ZNF462: variants seen among roughly 807,000 people sequenced by gnomAD.
ZNF462 encodes the protein zinc finger protein 462.
In ZNF462, 10 loss-of-function variants were observed where a neutral mutation model predicts 201.9. That is an observed-to-expected ratio of 0.05 (90% confidence interval 0.03 to 0.08). The LOEUF is 0.08. ZNF462 is among the 10% of genes least tolerant of loss of function. The probability of loss-of-function intolerance (pLI) is 1.00; values close to 1 mark genes in which losing one functional copy is unlikely to be tolerated. For missense variants in ZNF462, 2,523 were observed against 3,168.3 expected, an observed-to-expected ratio of 0.80 and a Z score of 4.89; for synonymous variants, 1,227 against 1,193.3, an observed-to-expected ratio of 1.03 and a Z score of -0.58.
intron 10 of ZNF462, among the ~76,000 whole-genome samples, chr9:106,998,742 G>A (rs946091882): frequency 2.6e-5 from 4 of 151,928 alleles, no homozygotes; most frequent in Non-Finnish European, 5.9e-5. Flanking sequence ...CAAGTAGCTG[G>A]GATTACAGGT....
rs751753776 is a variant in ZNF462 at position 106,930,672 on chromosome 9, G to T, written c.5995G>T (p.Val1999Leu). ...CGTCCAGTATGGCAATGTCCCAGCT[G>T]TGTCAGCTGCTGTGAAGGTGAGAAC... ...KHVQYGNVPAVSAAVKGLRSH... is the reference protein window; with the variant it reads ...KHVQYGNVPALSAAVKGLRSH... Residue 1999 changes from valine (V) to leucine (L), a missense_variant, in exon 4 of 13, where the codon GTG (valine) becomes TTG (leucine). Physicochemically the swap from Val to Leu is conservative, Grantham distance 32 (BLOSUM62 1). Around this residue, in one of 15 missense-constraint regions of ZNF462, gnomAD observed 107 missense variants for 187.7 expected, o/e 0.57. Transcript: ENST00000277225. The surrounding 1 kb of genome is among the most constrained non-coding windows in gnomAD (Gnocchi z 5.8). 2 of 1,614,052 alleles carry T rather than the reference G, an allele frequency of 1.2e-6. No homozygotes were observed. The highest frequency in any genetic ancestry group is 1.7e-6 in the Non-Finnish European group (2 of 1,180,028).
rs1826553189 is a variant in ZNF462 at position 106,970,611 on chromosome 9, A to C, written c.6428-1394A>C. Among the ~76,000 whole-genome samples, 1 of 152,158 alleles carries C rather than the reference A, an allele frequency of 6.6e-6. No individual in the cohort carries two copies. Among genetic ancestry groups the C allele is most frequent in the Non-Finnish European group, 1.5e-5 (1 of 68,018 alleles). On this transcript the variant is annotated intron_variant, in intron 7 of 12. Transcript: ENST00000277225. This position sits in a 1 kb window ranked among gnomAD's most constrained non-coding sequence, Gnocchi z 4.2. Reference sequence around the variant, plus strand: ...CCCTGCTTTTTGAAAGGCTTAAGAAAAGAGCCCTTTGTTTTCTTTTCAAGG... The same window carrying C: ...CCCTGCTTTTTGAAAGGCTTAAGAACAGAGCCCTTTGTTTTCTTTTCAAGG...
At chr9:106,998,332 A>C (rs1346343259) in intron 10 of ZNF462, among the ~76,000 whole-genome samples, 1 of 152,186 alleles carries the variant, frequency 6.6e-6, no homozygotes, top group Non-Finnish European at 1.5e-5. Flanking sequence ...TATCATTAGC[A>C]AGCACATTCA....
chr9:106,868,062 A>C, intron 1 of ZNF462, among the ~76,000 whole-genome samples: 1 of 110,844 alleles, frequency 9.0e-6, no homozygotes, highest in East Asian at 2.8e-4. Context: ...GAAAGCTAAA[A>C]TCCAGTGAAC....
chr9:106,985,388 A>G (rs1002586606), intron 10 of ZNF462, among the ~76,000 whole-genome samples: 6 of 152,164 alleles, frequency 3.9e-5, no homozygotes, highest in African/African-American at 1.4e-4. Context: ...GACATAAAAT[A>G]GAGGATTTGT....
intron 10 of ZNF462, among the ~76,000 whole-genome samples, chr9:106,985,392 G>A (rs1431940877): frequency 1.3e-5 from 2 of 151,966 alleles, no homozygotes; most frequent in Non-Finnish European, 2.9e-5. Context: ...TAAAATAGAG[G>A]ATTTGTGAAA....
Position 106,895,526 on chromosome 9 carries a change from T to G in ZNF462, c.-30-27828T>G, listed in dbSNP as rs1010161100. On this transcript the variant is annotated intron_variant, in intron 1 of 12. Coordinates refer to ENST00000277225, the MANE Select transcript of ZNF462 (RefSeq NM_021224.6). The surrounding 1 kb of genome is among the most constrained non-coding windows in gnomAD (Gnocchi z 4.4). ...AAATAATCTTGATAGGGCACAGCTT[T>G]CGTTATATCACATTGCCCTGATTAA... Among the ~76,000 whole-genome samples, 1 of 152,206 alleles carries G rather than the reference T, an allele frequency of 6.6e-6. No individual in the cohort carries two copies. Among genetic ancestry groups the G allele is most frequent in the Non-Finnish European group, 1.5e-5 (1 of 68,042 alleles).
At chr9:106,959,074 G>T (rs1426540230) in intron 7 of ZNF462, among the ~76,000 whole-genome samples, 2 of 152,240 alleles carry the variant, frequency 1.3e-5, no homozygotes, top group Middle Eastern at 6.8e-3. Flanking sequence ...CATGTGCATT[G>T]TTAACTAACA....
Position 106,928,130 on chromosome 9 carries a change from C to T in ZNF462, c.4218C>T (p.Ile1406=). 1 of 1,614,160 alleles carries T rather than the reference C, an allele frequency of 6.2e-7. No homozygotes were observed. Among genetic ancestry groups the T allele is most frequent in the African/African-American group, 1.3e-5 (1 of 75,036 alleles). Residue 1406 remains isoleucine (I), a synonymous_variant, in exon 3 of 13, where the codon ATC becomes ATT. Transcript: ENST00000277225. This position sits in a 1 kb window ranked among gnomAD's most constrained non-coding sequence, Gnocchi z 9.3. The stretch of plus-strand genomic sequence containing the variant: ...GTGATGAGTCAGTGCTACTGGACAT[C>T]ATCAAGGAGAAAGATGCTGTGGAGA... ...MNGDESVLLD[I]IKEKDAVEKP...
At position 107,008,178 on chromosome 9, in the gene ZNF462, T is replaced by G. The variant is rs529454224; in HGVS notation, c.7190-1367T>G. On this transcript the variant is annotated intron_variant, in intron 11 of 12. Coordinates refer to ENST00000277225, the MANE Select transcript of ZNF462 (RefSeq NM_021224.6). The surrounding 1 kb of genome is among the most constrained non-coding windows in gnomAD (Gnocchi z 4.8). ...TTGGGGAGGAGTCAGGAAGGCATTCTGTTGATTTCTTGCCCAAGATAATCC... is the reference window on the plus strand; with the variant it reads ...TTGGGGAGGAGTCAGGAAGGCATTCGGTTGATTTCTTGCCCAAGATAATCC... Among the ~76,000 whole-genome samples, 65 of 152,316 alleles carry G rather than the reference T, an allele frequency of 4.3e-4. 2 individuals are homozygous for G. In the South Asian group the frequency reaches 0.013, roughly 31 times the overall value.
chr9:107,007,434 A>T (rs896747740), intron 11 of ZNF462, among the ~76,000 whole-genome samples: 3 of 152,174 alleles, frequency 2.0e-5, no homozygotes, highest in Admixed American at 6.5e-5. Flanking sequence ...GAAAAAGTAT[A>T]GTGTCCACAT....
At chr9:106,989,833 G>A (rs1828131922) in intron 10 of ZNF462, among the ~76,000 whole-genome samples, 1 of 152,200 alleles carries the variant, frequency 6.6e-6, no homozygotes, top group South Asian at 2.1e-4. Flanking sequence ...GCGTAAAGGT[G>A]TTCATAGTAG....
chr9:106,899,456 A>T (rs979158357), intron 1 of ZNF462, among the ~76,000 whole-genome samples: 2 of 152,192 alleles, frequency 1.3e-5, no homozygotes, highest in Non-Finnish European at 2.9e-5. Flanking sequence ...CGCCACTTCC[A>T]TTGTGGCACG....
chr9:106,909,508 G>A (rs532031247), intron 1 of ZNF462, among the ~76,000 whole-genome samples: 4 of 152,160 alleles, frequency 2.6e-5, no homozygotes, highest in East Asian at 3.9e-4. Flanking sequence ...TGAACCTTCC[G>A]TTGGTTGTAT....
rs1443840406 is a variant in ZNF462 at position 106,977,084 on chromosome 9, C to T, written c.6832+2811C>T. ...GGGAAGTCCACGGATCCACAGGCAG[C>T]AGAGTGCCTCAGGACAGCCATGTAT... On this transcript the variant is annotated intron_variant, in intron 9 of 12. Coordinates refer to ENST00000277225, the MANE Select transcript of ZNF462 (RefSeq NM_021224.6). The surrounding 1 kb of genome is among the most constrained non-coding windows in gnomAD (Gnocchi z 4.6). Among the ~76,000 whole-genome samples, 1 of 152,160 alleles carries T rather than the reference C, an allele frequency of 6.6e-6. No individual in the cohort carries two copies. The highest frequency in any genetic ancestry group is 1.5e-5 in the Non-Finnish European group (1 of 68,014).
Position 106,925,769 on chromosome 9 carries a change from G to A in ZNF462, c.1857G>A (p.Gln619=). The A allele has an allele frequency of 6.2e-7, 1 of 1,614,204 alleles. No individual in the cohort carries two copies. ...TTTLKGLRVH[Q]QHKHSFCDNL... is the part of the protein sequence containing the mutation. ...CTCTGAAAGGGCTAAGAGTCCATCA[G>A]CAGCATAAACATTCATTCTGTGACA... is the stretch of plus-strand genomic sequence containing the variant. Residue 619 remains glutamine (Q), a synonymous_variant, in exon 3 of 13, where the codon CAG becomes CAA. Transcript: ENST00000277225. This position sits in a 1 kb window ranked among gnomAD's most constrained non-coding sequence, Gnocchi z 7.9.
At position 106,895,100 on chromosome 9, in the gene ZNF462, A is replaced by G. The variant is rs1480262002; in HGVS notation, c.-30-28254A>G. Among the ~76,000 whole-genome samples the G allele has an allele frequency of 1.3e-5, 2 of 152,188 alleles. No homozygotes were observed. The highest frequency in any genetic ancestry group is 2.4e-5 in the African/African-American group (1 of 41,448). ...CTGCTTCTGAGTACCCTTTGTTTAA[A>G]CTATTCCAACCTAAGGTCTGTTGCT... is the stretch of plus-strand genomic sequence containing the variant. On this transcript the variant is annotated intron_variant, in intron 1 of 12. Coordinates refer to ENST00000277225, the MANE Select transcript of ZNF462 (RefSeq NM_021224.6). This position sits in a 1 kb window ranked among gnomAD's most constrained non-coding sequence, Gnocchi z 4.4.
rs1291159353 is a variant in ZNF462 at position 106,972,965 on chromosome 9, C to T, written c.6695+693C>T. Among the ~76,000 whole-genome samples, 1 of 152,076 alleles carries T rather than the reference C, an allele frequency of 6.6e-6. No homozygotes were observed. Among genetic ancestry groups the T allele is most frequent in the East Asian group, 1.9e-4 (1 of 5,178 alleles). ...TGGTTACAAGTGTAGAGTGTGGAGC[C>T]TGACTACCTGGGTGATTCTGGACAA... On this transcript the variant is annotated intron_variant, in intron 8 of 12. Coordinates refer to ENST00000277225, the MANE Select transcript of ZNF462 (RefSeq NM_021224.6). The surrounding 1 kb of genome is among the most constrained non-coding windows in gnomAD (Gnocchi z 4.8).
rs1207891052 is a variant in ZNF462 at position 106,913,577 on chromosome 9, A to G, written c.-30-9777A>G. Among the ~76,000 whole-genome samples the G allele has an allele frequency of 6.6e-6, 1 of 151,962 alleles. No homozygotes were observed. Among genetic ancestry groups the G allele is most frequent in the Non-Finnish European group, 1.5e-5 (1 of 68,024 alleles). On this transcript the variant is annotated intron_variant, in intron 1 of 12. Transcript: ENST00000277225. This position sits in a 1 kb window ranked among gnomAD's most constrained non-coding sequence, Gnocchi z 4.1. Reference sequence around the variant, plus strand: ...ATGCATTGTTTTTCACAGAAATTTTAGTCAGAGGTCACATGCTAAAGACTT... The same window carrying G: ...ATGCATTGTTTTTCACAGAAATTTTGGTCAGAGGTCACATGCTAAAGACTT...
Sources: allele counts gnomAD v4.1 joint callset (sites outside exome capture counted in the v4.1 genomes callset), GRCh38; gene constraint gnomAD v4.1.1; regional missense constraint gnomAD v4.1.1; non-coding constraint Gnocchi (gnomAD v3.1); transcripts MANE v1.5; gene names NCBI Gene and HGNC (gene_info 2026-07-23, HGNC 2026-07-21).